DGKI: variants seen among roughly 807,000 people sequenced by gnomAD.
DGKI encodes the protein diacylglycerol kinase iota, also known as DAG kinase iota.
In DGKI, 55 loss-of-function variants were observed where a neutral mutation model predicts 147.5. That is an observed-to-expected ratio of 0.37 (90% CI 0.30 to 0.47). DGKI has a LOEUF of 0.47. DGKI is among the 20% of genes least tolerant of loss of function. DGKI has a pLI of 1.00. For synonymous variants in DGKI, 469 were observed against 477.1 expected (o/e 0.98, Z 0.22); for missense variants, 1,007 against 1,323.8 (o/e 0.76, Z 3.71).
At chr7:137,753,555 G>A (rs1486029811) in intron 1 of DGKI, among the ~76,000 whole-genome samples, 1 of 152,200 alleles carries the variant, frequency 6.6e-6, no homozygotes, top group Admixed American at 6.5e-5. Flanking sequence ...GAGGAGGGGA[G>A]TTGAGCAAAC....
In DGKI at chr7:137,823,320, C is replaced by T. The variant is rs569140667; in HGVS notation, c.401+23142G>A. Among the ~76,000 whole-genome samples, 3 of 152,338 alleles carry T rather than the reference C, an allele frequency of 2.0e-5. 1 individual carries two copies. The highest frequency in any genetic ancestry group is 4.8e-5 in the African/African-American group (2 of 41,590). On this transcript the variant is annotated intron_variant, in intron 1 of 32. Coordinates refer to ENST00000614521, the MANE Select transcript of DGKI (RefSeq NM_001321708.2). ...CAGCAGCAACAGAGATATGCCTTCA[C>T]ATTTCTGAGGTAAAATTATTTCCCA...
chr7:137,595,121 C>T (rs967936420), intron 12 of DGKI, among the ~76,000 whole-genome samples: 10 of 152,152 alleles, frequency 6.6e-5, no homozygotes, highest in African/African-American at 2.4e-4. Flanking sequence ...GAAAAGGTAC[C>T]TACCACATTA....
At chr7:137,446,425 TTACTGCACTGCAC>T (rs1813717284) in intron 27 of DGKI, among the ~76,000 whole-genome samples, 1 of 152,210 alleles carries the variant, frequency 6.6e-6, no homozygotes, top group East Asian at 1.9e-4. Flanking sequence ...CTGCAACAAG[TTACTGCACTGCAC>T]TACTGAGACA....
chr7:137,634,922 G>T (rs1318630350), intron 6 of DGKI, among the ~76,000 whole-genome samples: 1 of 152,292 alleles, frequency 6.6e-6, no homozygotes, highest in Middle Eastern at 3.4e-3. Context: ...TGAAAAGATA[G>T]GTGGCTTGAC....
At chr7:137,752,579 T>C (rs1280176306) in intron 1 of DGKI, among the ~76,000 whole-genome samples, 1 of 152,212 alleles carries the variant, frequency 6.6e-6, no homozygotes, top group Non-Finnish European at 1.5e-5. Context: ...TAACGGGTTA[T>C]GTTATCTGTA....
intron 26 of DGKI, 66 bp downstream of exon 26, chr7:137,465,842 C>A: frequency 6.4e-7 from 1 of 1,559,938 alleles, no homozygotes; most frequent in South Asian, 1.2e-5. Context: ...ATGTCAAGTT[C>A]AAAGGCGAAC....
In DGKI at chr7:137,669,951, C is replaced by T. The variant is rs1297475735; in HGVS notation, c.606+8606G>A. Among the ~76,000 whole-genome samples the T allele has an allele frequency of 2.6e-5, 4 of 152,230 alleles. No homozygotes were observed. In the East Asian group the frequency reaches 7.7e-4, roughly 29 times the overall value. On this transcript the variant is annotated intron_variant, in intron 3 of 32. Coordinates refer to ENST00000614521, the MANE Select transcript of DGKI (RefSeq NM_001321708.2). ...TTTTCCACTGACTCCTAAGATCCTA[C>T]AAAATGGCAATGGGTGTTCTGTGGG...
intron 6 of DGKI, among the ~76,000 whole-genome samples, chr7:137,638,096 C>A (rs542105198): frequency 6.6e-6 from 1 of 152,082 alleles, no homozygotes; most frequent in Non-Finnish European, 1.5e-5. Context: ...TCCCTTACCC[C>A]TTTCCAAGCC....
chr7:137,570,420 T>G (rs1200069268), intron 19 of DGKI, among the ~76,000 whole-genome samples: 2 of 152,206 alleles, frequency 1.3e-5, no homozygotes, highest in Non-Finnish European at 2.9e-5. Context: ...ATGATGTCTT[T>G]GTATATTCAG....
chr7:137,803,241 TG>T (rs1708001778), intron 1 of DGKI, among the ~76,000 whole-genome samples: 1 of 152,130 alleles, frequency 6.6e-6, no homozygotes, highest in Non-Finnish European at 1.5e-5. Context: ...CCAGTTTTGC[TG>T]GGTTGTAGAG....
chr7:137,433,349 T>C (rs1173073425), intron 28 of DGKI, among the ~76,000 whole-genome samples: 1 of 152,220 alleles, frequency 6.6e-6, no homozygotes, highest in Admixed American at 6.5e-5. Flanking sequence ...GATGATAAGA[T>C]ATGTTTAGGG....
At chr7:137,495,937 A>G (rs990290829) in intron 21 of DGKI, among the ~76,000 whole-genome samples, 2 of 152,316 alleles carry the variant, frequency 1.3e-5, no homozygotes, top group Non-Finnish European at 2.9e-5. Context: ...TCTATTCAAC[A>G]TAGTACTGGA....
At chr7:137,514,667 T>C (rs1205155471) in intron 21 of DGKI, among the ~76,000 whole-genome samples, 1 of 152,174 alleles carries the variant, frequency 6.6e-6, no homozygotes, top group Non-Finnish European at 1.5e-5. Flanking sequence ...CAGAGGCAAC[T>C]GAATTTTACA....
chr7:137,806,757 A>G (rs534354722), intron 1 of DGKI, among the ~76,000 whole-genome samples: 67 of 152,272 alleles, frequency 4.4e-4, no homozygotes, highest in Non-Finnish European at 7.9e-4. Context: ...TATGCTCAGG[A>G]CTAAGATTGG....
intron 27 of DGKI, 122 bp from the exon 28 acceptor site, chr7:137,444,224 T>G (rs1407239771): frequency 6.7e-6 from 4 of 594,452 alleles, no homozygotes; most frequent in Non-Finnish European, 1.1e-5. Flanking sequence ...TAGTAGACAG[T>G]GTAATTAATG....
At chr7:137,425,057 C>G (rs910971056) in intron 28 of DGKI, among the ~76,000 whole-genome samples, 2 of 152,168 alleles carry the variant, frequency 1.3e-5, no homozygotes, top group Non-Finnish European at 2.9e-5. Context: ...CAGCATGCAG[C>G]TGGAGATCTG....
intron 8 of DGKI, among the ~76,000 whole-genome samples, chr7:137,616,857 G>A (rs1006041899): frequency 6.6e-6 from 1 of 151,840 alleles, no homozygotes; most frequent in African/African-American, 2.4e-5. Context: ...TATTTGTTGG[G>A]ATGAAGGAAA....
At chr7:137,825,681 CACAT>C (rs1274987574) in intron 1 of DGKI, among the ~76,000 whole-genome samples, 2 of 151,326 alleles carry the variant, frequency 1.3e-5, no homozygotes, top group African/African-American at 4.9e-5. Context: ...CTCACACACA[CACAT>C]ACACACACAC....
At chr7:137,582,093 AT>A (rs1819216774) in intron 14 of DGKI, among the ~76,000 whole-genome samples, 165 bp from the exon 15 acceptor site, 1 of 152,178 alleles carries the variant, frequency 6.6e-6, no homozygotes, top group Non-Finnish European at 1.5e-5. Context: ...AAATTATTGG[AT>A]TAATTCATGA....
Sources: allele counts gnomAD v4.1 joint callset (sites outside exome capture counted in the v4.1 genomes callset), GRCh38; gene constraint gnomAD v4.1.1; transcripts MANE v1.5; gene names NCBI Gene and HGNC (gene_info 2026-07-23, HGNC 2026-07-21).